The following TRIM49C variants were observed in gnomAD, a reference collection of about 807,000 sequenced individuals.
The protein encoded by TRIM49C is tripartite motif-containing protein 49C.
TRIM49C carries 6 observed loss-of-function variants against 21.4 expected under a neutral mutation model. That is an observed-to-expected ratio of 0.28 (90% CI 0.15 to 0.55). The LOEUF (loss-of-function observed/expected upper bound fraction) is 0.55. Ranked by LOEUF, TRIM49C falls within the 20% of genes least tolerant of loss-of-function variation. The pLI, the probability that TRIM49C is intolerant of heterozygous loss-of-function variation, is 0.94. For missense variants in TRIM49C, 161 were observed against 442.4 expected (o/e 0.36, Z 5.71); for synonymous variants, 57 against 148.1 (o/e 0.38, Z 4.47).
chr11:90,069,478 C>T, the TRIM49C span, among the ~76,000 whole-genome samples: 238 of 131,442 alleles, frequency 1.8e-3, 48 homozygotes, highest in East Asian at 0.039. Flanking sequence ...TGGGCAGATA[C>T]CTAAAGGAGG....
chr11:90,067,661 C>T, the TRIM49C span, among the ~76,000 whole-genome samples: 2 of 140,758 alleles, frequency 1.4e-5, no homozygotes, highest in Admixed American at 7.8e-5. Context: ...CTATCAATAG[C>T]CTACTGTTGA....
the TRIM49C span, among the ~76,000 whole-genome samples, chr11:90,055,676 A>G: frequency 1.4e-5 from 2 of 147,308 alleles, 1 homozygote; most frequent in Non-Finnish European, 3.0e-5. Flanking sequence ...GATTTCCTTA[A>G]AGCCAAATAC....
the TRIM49C span, chr11:90,073,193 C>T: frequency 1.2e-6 from 1 of 850,466 alleles, no homozygotes; most frequent in African/African-American, 1.7e-5. Flanking sequence ...GGTGGATAAT[C>T]ATTTCAGTCT....
chr11:90,052,715 C>G, the TRIM49C span: 2 of 153,616 alleles, frequency 1.3e-5, no homozygotes, highest in Admixed American at 6.7e-5. Context: ...CTCAGGGCTC[C>G]GATGTGATCG....
chr11:90,040,964 T>A, intron 7 of TRIM49C, 87 bp from the exon 8 acceptor site: 1 of 1,453,824 alleles, frequency 6.9e-7, no homozygotes, highest in Non-Finnish European at 9.0e-7. Context: ...TTACATTTGC[T>A]GGTAAAGTAA....
Position 90,041,364 on chromosome 11 carries a change from C to T in TRIM49C, c.1173C>T (p.Leu391=). 6.3e-7 allele frequency: 1 copy of T among 1,589,196 alleles called. No individual in the cohort carries two copies. The highest frequency in any genetic ancestry group is 8.6e-7 in the Non-Finnish European group (1 of 1,164,710). The change falls in exon 8 of 8, where the codon CTC becomes CTT. Residue 391 remains leucine (L), a synonymous_variant. Coordinates refer to ENST00000448984, the MANE Select transcript of TRIM49C (RefSeq NM_001195234.1). ...TTAAGAATGACATTCAATGCAGTCT[C>T]TTTACCACCTCCCCACTTATGCTGC... ...GCIKNDIQCS[L]FTTSPLMLQY...
downstream of TRIM49C, among the ~76,000 whole-genome samples, chr11:90,045,948 C>T (rs1470175682): frequency 8.3e-6 from 1 of 120,342 alleles, no homozygotes; most frequent in Non-Finnish European, 1.7e-5. Context: ...TTTTGAGATA[C>T]GTCCCATCAA....
the TRIM49C span, among the ~76,000 whole-genome samples, chr11:90,056,036 G>A: frequency 1.8e-4 from 22 of 125,178 alleles, no homozygotes; most frequent in Non-Finnish European, 2.8e-4. Context: ...TTGGCTCACT[G>A]CAAGCTCCGC....
the TRIM49C span, chr11:90,051,702 C>T: frequency 5.5e-6 from 1 of 182,628 alleles, no homozygotes; most frequent in Non-Finnish European, 1.0e-5. Flanking sequence ...TGTGGCTCCC[C>T]CAGCCCCTTC....
At chr11:90,051,731 G>C in the TRIM49C span, 1 of 253,638 alleles carries the variant, frequency 3.9e-6, no homozygotes, top group Non-Finnish European at 7.2e-6. Context: ...ATCCTAGAGA[G>C]ATAGCGCGGA....
chr11:90,038,944 C>G lies in TRIM49C; in HGVS notation c.761+229C>G, dbSNP rs545018. ...CCTGGTTTTGTTTTTTTTTGAGACG[C>G]TGTCTGGCTCTGTCGCCCAGGCTGG... On this transcript the variant is annotated intron_variant, in intron 6 of 7. Transcript: ENST00000448984. Among the ~76,000 whole-genome samples, 38,806 of 130,390 alleles carry G rather than the reference C, an allele frequency of 0.3. 11,230 individuals are homozygous for G. The highest frequency in any genetic ancestry group is 0.65 in the African/African-American group (23,824 of 36,864). The allele number at this position is 130,390 out of a possible 152,430, so 85.5% of individuals were successfully genotyped here.
chr11:90,032,593 CAT>C lies in TRIM49C; in HGVS notation c.-5+14_-5+15del, dbSNP rs1233816769. On this transcript the variant is annotated intron_variant, in intron 2 of 7. Coordinates refer to ENST00000448984, the MANE Select transcript of TRIM49C (RefSeq NM_001195234.1). ...TAAAAGAACTCCAGGGTGAGTGAAA[CAT>C]ATTGATAAAATTATATCATCTTTCC... 3.8e-5 allele frequency: 5 copies of C among 130,460 alleles called. 2 individuals carry two copies. Among genetic ancestry groups the C allele is most frequent in the African/African-American group, 1.8e-4 (5 of 28,546 alleles). The allele number at this position is 130,460 out of a possible 1,614,324, so 8.1% of individuals were successfully genotyped here.
At chr11:90,048,844 G>A in the TRIM49C span, among the ~76,000 whole-genome samples, 1 of 124,532 alleles carries the variant, frequency 8.0e-6, no homozygotes, top group African/African-American at 3.2e-5. Context: ...GAGGTGCTCT[G>A]ATTTTTAGAA....
Position 90,038,548 on chromosome 11 carries a change from A to T in TRIM49C, c.739-145A>T, listed in dbSNP as rs1213095732. Reference sequence around the variant, plus strand: ...AATACAACTGACTGGGTTTTTCATTACAGAAGAAATAGAAAATACTTTCCA... The same window carrying T: ...AATACAACTGACTGGGTTTTTCATTTCAGAAGAAATAGAAAATACTTTCCA... On this transcript the variant is annotated intron_variant, in intron 5 of 7. Transcript: ENST00000448984. 11 of 1,238,806 alleles carry T rather than the reference A, an allele frequency of 8.9e-6. 2 individuals carry two copies. The highest frequency in any genetic ancestry group is 4.8e-4 in the Middle Eastern group (2 of 4,178). The allele number at this position is 1,238,806 out of a possible 1,614,324, so 76.7% of individuals were successfully genotyped here.
chr11:90,069,963 T>C, the TRIM49C span, among the ~76,000 whole-genome samples: 1 of 131,112 alleles, frequency 7.6e-6, no homozygotes, highest in Non-Finnish European at 1.6e-5. Flanking sequence ...CAACTAATCA[T>C]CCCTCATTCT....
chr11:90,045,659 C>CT (rs566266173), downstream of TRIM49C, among the ~76,000 whole-genome samples: 2,691 of 76,338 alleles, frequency 0.035, 533 homozygotes, highest in African/African-American at 0.16. Flanking sequence ...TGCTTATCAG[C>CT]TTAAGGAGAT....
At chr11:90,039,021 A>G (rs1950748142) in intron 6 of TRIM49C, among the ~76,000 whole-genome samples, 1 of 136,920 alleles carries the variant, frequency 7.3e-6, no homozygotes, top group African/African-American at 2.6e-5. Flanking sequence ...CCGGGTTCAC[A>G]CCATTCCCCT....
At chr11:90,071,779 T>C in the TRIM49C span, 1 of 1,134,302 alleles carries the variant, frequency 8.8e-7, no homozygotes, top group Non-Finnish European at 1.3e-6. Flanking sequence ...GTGGACAGGC[T>C]CAACCACTTC....
the TRIM49C span, among the ~76,000 whole-genome samples, chr11:90,067,537 T>C: frequency 5.8e-4 from 85 of 145,790 alleles, 11 homozygotes; most frequent in South Asian, 0.01. Context: ...CTCAGATTAT[T>C]TGAATAATAT....
Sources: gnomAD v4.1 joint callset for allele counts (sites outside exome capture counted in the v4.1 genomes callset) on GRCh38, gnomAD v4.1.1 for gene constraint, MANE v1.5 for transcripts, NCBI Gene and HGNC (gene_info 2026-07-23, HGNC 2026-07-21) for gene names.